The following FAT2 variants were observed in gnomAD, a reference collection of about 807,000 sequenced individuals.
FAT2 encodes protocadherin Fat 2.
In FAT2, 150 loss-of-function variants were observed where a neutral mutation model predicts 295.3. That is an observed-to-expected ratio of 0.51 (90% CI 0.44 to 0.58). The LOEUF (loss-of-function observed/expected upper bound fraction) is 0.58. FAT2 is among the 20% of genes least tolerant of loss of function. The pLI is 0.00. For missense variants in FAT2, 4,868 were observed against 5,442.7 expected (o/e 0.89, Z 3.32); for synonymous variants, 2,026 against 2,150.3 (o/e 0.94, Z 1.60).
At position 151,540,752 on chromosome 5, in the gene FAT2, GGGGGTCTCC is replaced by G; in HGVS notation, c.8845_8853del (p.Gly2949_Pro2951del). On this transcript the variant is annotated inframe_deletion and splice_region_variant, in exon 11 of 24. Transcript: ENST00000261800. ...ACTTGGCTGATGCCAAACTGGCCCAGGGGGTCTCCCTCTAAACAGATGGGGCAGAGCTTT... is the reference window on the plus strand; with the variant it reads ...ACTTGGCTGATGCCAAACTGGCCCAGCTCTAAACAGATGGGGCAGAGCTTT... 1 of 1,613,776 alleles carries G rather than the reference GGGGGTCTCC, an allele frequency of 6.2e-7. No homozygotes were observed. Among genetic ancestry groups the G allele is most frequent in the South Asian group, 1.1e-5 (1 of 91,020 alleles).
In FAT2 at chr5:151,531,978, G is replaced by A. The variant is rs1754672210; in HGVS notation, c.9428-8C>T. ...CCACCTGGGCATTGGCGCCTGGCAG[G>A]GAGACCAAGGGTGTGATCCACACTG... On this transcript the variant is annotated splice_region_variant and splice_polypyrimidine_tract_variant and intron_variant, in intron 13 of 23. Coordinates refer to ENST00000261800, the MANE Select transcript of FAT2 (RefSeq NM_001447.3). This position sits in a 1 kb window ranked among gnomAD's most constrained non-coding sequence, Gnocchi z 5.7. 1 of 1,613,506 alleles carries A rather than the reference G, an allele frequency of 6.2e-7. No homozygotes were observed. The highest frequency in any genetic ancestry group is 8.5e-7 in the Non-Finnish European group (1 of 1,179,782).
At chr5:151,517,422 C>T (rs539534555) in intron 20 of FAT2, among the ~76,000 whole-genome samples, 198 bp downstream of exon 20, 5 of 152,320 alleles carry the variant, frequency 3.3e-5, no homozygotes, top group South Asian at 2.1e-4. Context: ...CGTCCTTGGA[C>T]GTATATCTCC....
intron 12 of FAT2, among the ~76,000 whole-genome samples, chr5:151,535,522 T>C (rs1306277443): frequency 6.6e-6 from 1 of 151,958 alleles, no homozygotes; most frequent in Non-Finnish European, 1.5e-5. Flanking sequence ...AGGGAGGACA[T>C]GGGAGCCCCT....
At chr5:151,547,153 C>T (rs1380424166) in intron 9 of FAT2, among the ~76,000 whole-genome samples, 1 of 151,988 alleles carries the variant, frequency 6.6e-6, no homozygotes, top group Non-Finnish European at 1.5e-5. Flanking sequence ...TATTGCTTAC[C>T]ATAAATCAGA....
intron 3 of FAT2, among the ~76,000 whole-genome samples, chr5:151,557,495 T>A (rs1429089423): frequency 6.7e-6 from 1 of 149,980 alleles, no homozygotes; most frequent in African/African-American, 2.5e-5. Flanking sequence ...AGAAAGAGAC[T>A]TTTTTCTGCT....
intron 14 of FAT2, among the ~76,000 whole-genome samples, chr5:151,530,421 A>G (rs1053261154): frequency 1.1e-4 from 17 of 152,242 alleles, no homozygotes; most frequent in Non-Finnish European, 5.9e-5. Context: ...GATATGCTAT[A>G]TGACACTATA....
chr5:151,581,826 G>T (rs948135070), intron 1 of FAT2, among the ~76,000 whole-genome samples: 1 of 152,170 alleles, frequency 6.6e-6, no homozygotes, highest in Non-Finnish European at 1.5e-5. Context: ...AGGATCATAT[G>T]ATCCCTCCCC....
At chr5:151,527,916 G>T in intron 16 of FAT2, 80 bp downstream of exon 16, 1 of 1,542,290 alleles carries the variant, frequency 6.5e-7, no homozygotes, top group Non-Finnish European at 8.8e-7. Context: ...GGTCTTGACA[G>T]CGATTCATCT....
In FAT2 at chr5:151,507,391, C is replaced by G. The variant is rs752111755; in HGVS notation, c.12280G>C (p.Asp4094His). ...TCGATGGCAGGCATGGCTTGGGTGT[C>G]AACACCAACACTCCTGGCCAGGAGG... ...PDLLARSVGV[D>H]TQAMPAIELN... is the part of the protein sequence containing the mutation. Residue 4094 changes from aspartate (D) to histidine (H), a missense_variant, in exon 23 of 24, where the codon GAC (aspartate) becomes CAC (histidine). Asp to His is a moderately conservative substitution (Grantham distance 81). Around this residue, in one of 5 missense-constraint regions of FAT2, gnomAD observed 492 missense variants for 482.6 expected, o/e 1.02. Coordinates refer to ENST00000261800, the MANE Select transcript of FAT2 (RefSeq NM_001447.3). The G allele has an allele frequency of 4.3e-6, 7 of 1,614,176 alleles. No homozygotes were observed. The highest frequency in any genetic ancestry group is 1.7e-5 in the Admixed American group (1 of 60,020).
At chr5:151,532,418 C>T (rs1467727006) in intron 13 of FAT2, among the ~76,000 whole-genome samples, 2 of 144,364 alleles carry the variant, frequency 1.4e-5, no homozygotes, top group Admixed American at 6.9e-5. Flanking sequence ...CACACACACA[C>T]GCAAATGAGT....
chr5:151,505,668 C>G lies in FAT2; in HGVS notation c.12947G>C (p.Gly4316Ala), dbSNP rs762615278. 2 of 1,613,978 alleles carry G rather than the reference C, an allele frequency of 1.2e-6. No homozygotes were observed. Among genetic ancestry groups the G allele is most frequent in the Admixed American group, 3.3e-5 (2 of 60,016 alleles). The change falls in exon 24 of 24, where the codon GGG becomes GCG. Residue 4316 changes from glycine (G) to alanine (A), a missense_variant. By Grantham distance (60) the Gly-to-Ala change is moderately conservative. Transcript: ENST00000261800. ...CTGGCCCTGGCCTGCAAGAGGTGCC[C>G]CCTCCACCTCACAGACAGCATAAGA... is the stretch of plus-strand genomic sequence containing the variant. ...GPSYAVCEVE[G>A]APLAGQGQPR... is the part of the protein sequence containing the mutation.
rs2127619179 is a variant in FAT2, at chr5:151,549,370, T to C, written c.4714A>G (p.Thr1572Ala). 1.2e-6 allele frequency: 2 copies of C among 1,614,060 alleles called. No individual in the cohort carries two copies. The highest frequency in any genetic ancestry group is 4.5e-5 in the East Asian group (2 of 44,882). The part of the protein sequence containing the change: ...ASVPDTIAPG[T>A]ELLQVRAMDA... ...ATGGCTCGGACCTGCAGCAGCTCTG[T>C]GCCGGGGGCTATGGTGTCAGGAACA... The change falls in exon 9 of 24, where the codon ACA becomes GCA. Residue 1572 changes from threonine (T) to alanine (A), a missense_variant. By Grantham distance (58) the Thr-to-Ala change is moderately conservative. Transcript: ENST00000261800.
chr5:151,516,173 T>C (rs1325170354), intron 20 of FAT2, among the ~76,000 whole-genome samples: 1 of 152,208 alleles, frequency 6.6e-6, no homozygotes, highest in Non-Finnish European at 1.5e-5. Flanking sequence ...GCTCAATTAT[T>C]ATCTCAATGA....
chr5:151,564,637 A>C (rs1758167049), intron 2 of FAT2, among the ~76,000 whole-genome samples: 1 of 152,182 alleles, frequency 6.6e-6, no homozygotes. Flanking sequence ...AGTAGTGGGC[A>C]CTCGAACAGT....
Position 151,525,895 on chromosome 5 carries a change from G to A in FAT2, c.10379C>T (p.Pro3460Leu), listed in dbSNP as rs1378851174. The A allele has an allele frequency of 6.2e-7, 1 of 1,614,180 alleles. No individual in the cohort carries two copies. The highest frequency in any genetic ancestry group is 2.2e-5 in the East Asian group (1 of 44,884). Residue 3460 changes from proline to leucine, a missense_variant, in exon 18 of 24, where the codon CCC becomes CTC. This residue lies in a region of FAT2 where 1,046 missense variants were observed against 1,210.1 expected (regional missense o/e 0.86). Transcript: ENST00000261800. Reference protein sequence around the residue: ...LSDPDSPENGPPYSFRITKGN... With the variant: ...LSDPDSPENGLPYSFRITKGN... ...CTTGGTGATTCGAAACGAGTAGGGGGGGCCATTCTCTGGAGAATCTGGGTC... is the reference window on the plus strand; with the variant it reads ...CTTGGTGATTCGAAACGAGTAGGGGAGGCCATTCTCTGGAGAATCTGGGTC...
Position 151,521,787 on chromosome 5 carries a change from G to A in FAT2, c.10806C>T (p.Val3602=), listed in dbSNP as rs1317556648. ...TGGTGAAGGTCCCATCGCTGACCGT[G>A]ACGTTGAACGAGTAGTGGCCACGAG... is the stretch of plus-strand genomic sequence containing the variant. The part of the protein sequence containing the change: ...GLPRGHYSFN[V]TVSDGTFTTT... Residue 3602 remains valine, a synonymous_variant, in exon 19 of 24, where the codon GTC becomes GTT. Coordinates refer to ENST00000261800, the MANE Select transcript of FAT2 (RefSeq NM_001447.3). 3.1e-6 allele frequency: 5 copies of A among 1,614,086 alleles called. No homozygotes were observed. Among genetic ancestry groups the A allele is most frequent in the East Asian group, 2.2e-5 (1 of 44,890 alleles).
At chr5:151,520,980 T>C (rs1021394416) in intron 19 of FAT2, among the ~76,000 whole-genome samples, 1 of 152,238 alleles carries the variant, frequency 6.6e-6, no homozygotes, top group African/African-American at 2.4e-5. Context: ...GGGGTAGAGC[T>C]GGGATTTTAA....
At position 151,568,271 on chromosome 5, in the gene FAT2, C is replaced by A. The variant is rs771658642; in HGVS notation, c.661G>T (p.Val221Leu). 3 of 1,614,102 alleles carry A rather than the reference C, an allele frequency of 1.9e-6. No homozygotes were observed. The African/African-American group carries it at 4.0e-5, about 22-fold the overall frequency. ...TTCCGCATGCGGTCCACAGCTAGCA[C>A]CTGGAGCTCATGCTTTCCTCGCCAG... The part of the protein sequence containing the change: ...VTWRGKHELQ[V>L]LAVDRMRKIS... The change falls in exon 2 of 24, where the codon GTG becomes TTG. Residue 221 changes from valine (V) to leucine (L), a missense_variant. Transcript: ENST00000261800.
chr5:151,543,658 A>G lies in FAT2; in HGVS notation c.7469T>C (p.Leu2490Ser), dbSNP rs1427273396. ...GGTTCCAACCATTGCATTCTCTGCT[A>G]ATTCTGCCTCATAAAGGTGCTGCTG... The part of the protein sequence containing the change: ...EFQQHLYEAE[L>S]AENAMVGTKV... Residue 2490 changes from leucine (L) to serine (S), a missense_variant, in exon 10 of 24, where the codon TTA (leucine) becomes TCA (serine). Transcript: ENST00000261800. The G allele has an allele frequency of 6.2e-7, 1 of 1,614,036 alleles. No individual in the cohort carries two copies. Among genetic ancestry groups the G allele is most frequent in the African/African-American group, 1.3e-5 (1 of 74,910 alleles).
Sources: allele counts gnomAD v4.1 joint callset (sites outside exome capture counted in the v4.1 genomes callset), GRCh38; gene constraint gnomAD v4.1.1; regional missense constraint gnomAD v4.1.1; non-coding constraint Gnocchi (gnomAD v3.1); transcripts MANE v1.5; gene names NCBI Gene and HGNC (gene_info 2026-07-23, HGNC 2026-07-21).